KLF7: variants seen among roughly 807,000 people sequenced by gnomAD.
The protein encoded by KLF7 is KLF transcription factor 7.
Under a neutral mutation model 27.3 loss-of-function variants are expected in KLF7, and 2 were observed. The ratio of observed to expected loss-of-function variants is 0.07; its 90% CI spans 0.03 to 0.23. KLF7 has a LOEUF of 0.23. KLF7 is among the 10% of genes least tolerant of loss of function. The pLI is 1.00. For synonymous variants in KLF7, 165 were observed against 162.4 expected, an observed-to-expected ratio of 1.02 and a Z score of -0.12; for missense variants, 221 against 394.1, an observed-to-expected ratio of 0.56 and a Z score of 3.72.
chr2:207,094,951 C>T (rs1482504043), intron 2 of KLF7, among the ~76,000 whole-genome samples: 4 of 151,372 alleles, frequency 2.6e-5, no homozygotes, highest in Non-Finnish European at 4.4e-5. Flanking sequence ...CTTACTCAAA[C>T]GAGGTCCAAG....
upstream of KLF7, chr2:207,165,975 A>G: frequency 1.0e-6 from 1 of 1,000,224 alleles, no homozygotes; most frequent in Non-Finnish European, 1.2e-6. Context: ...TTTGCTCTTT[A>G]TTTTGGGAGG....
intron 1 of KLF7, chr2:207,148,862 C>T (rs191750730): frequency 1.3e-4 from 39 of 307,974 alleles, no homozygotes; most frequent in Non-Finnish European, 1.8e-4. Flanking sequence ...TGCTCTCTGA[C>T]TTTTCCTTTG....
chr2:207,141,007 T>C (rs1207261470), intron 1 of KLF7, among the ~76,000 whole-genome samples: 1 of 152,214 alleles, frequency 6.6e-6, no homozygotes, highest in East Asian at 1.9e-4. Flanking sequence ...ATTAGCTCTA[T>C]GCGTTTCCTC....
chr2:207,136,520 A>G (rs144555226), intron 1 of KLF7, among the ~76,000 whole-genome samples: 73 of 152,284 alleles, frequency 4.8e-4, no homozygotes, highest in African/African-American at 1.7e-3. Context: ...CTGCCTAGAG[A>G]AACTAGGCCA....
At chr2:207,146,946 A>G (rs1307636595) in intron 1 of KLF7, among the ~76,000 whole-genome samples, 2 of 152,306 alleles carry the variant, frequency 1.3e-5, no homozygotes, top group South Asian at 2.1e-4. Context: ...TTCCCATGGT[A>G]TAAGTCAGCC....
chr2:207,160,786 C>T (rs971450723), intron 1 of KLF7, among the ~76,000 whole-genome samples: 1 of 152,214 alleles, frequency 6.6e-6, no homozygotes, highest in Non-Finnish European at 1.5e-5. Context: ...CCCCCACTGG[C>T]ATTTATGTTT....
Position 207,079,028 on chromosome 2 carries a change from G to A in KLF7, c.*2185C>T, listed in dbSNP as rs1403513367. ...TGTGTGTGTGCGCGTGTGTGTTAACGGGTGTTCTTTCTTTTTTTTTCGTTT... is the reference window on the plus strand; with the variant it reads ...TGTGTGTGTGCGCGTGTGTGTTAACAGGTGTTCTTTCTTTTTTTTTCGTTT... On this transcript the variant is annotated 3_prime_UTR_variant, in exon 4 of 4. Coordinates refer to ENST00000309446, the MANE Select transcript of KLF7 (RefSeq NM_003709.4). The A allele has an allele frequency of 6.6e-6, 1 of 151,764 alleles. No homozygotes were observed. Among genetic ancestry groups the A allele is most frequent in the Non-Finnish European group, 1.5e-5 (1 of 67,948 alleles). The allele number at this position is 151,764 out of a possible 1,614,324, so 9.4% of individuals were successfully genotyped here. A position where few individuals can be genotyped will look rare whatever the true frequency, so the allele number is the denominator to read the frequency against.
intron 1 of KLF7, among the ~76,000 whole-genome samples, chr2:207,136,214 T>C (rs1263469605): frequency 6.6e-6 from 1 of 152,200 alleles, no homozygotes; most frequent in Non-Finnish European, 1.5e-5. Flanking sequence ...TCAAAGACTC[T>C]TTCTGGCTCA....
At chr2:207,134,903 A>G (rs2077742813) in intron 1 of KLF7, among the ~76,000 whole-genome samples, 1 of 152,218 alleles carries the variant, frequency 6.6e-6, no homozygotes. Flanking sequence ...ATCAATTGAC[A>G]TGCCAAGTAC....
chr2:207,124,695 C>A (rs2077433919), intron 1 of KLF7, among the ~76,000 whole-genome samples: 1 of 152,168 alleles, frequency 6.6e-6, no homozygotes, highest in Non-Finnish European at 1.5e-5. Context: ...TGATCTCTTG[C>A]CCCTCAATCC....
intron 2 of KLF7, among the ~76,000 whole-genome samples, chr2:207,110,404 C>T (rs1385508690): frequency 2.0e-5 from 3 of 152,206 alleles, no homozygotes; most frequent in African/African-American, 4.8e-5. Flanking sequence ...TTTTTGGTAA[C>T]GAGGAAGCAA....
At chr2:207,089,913 T>C (rs1421356813) in intron 2 of KLF7, among the ~76,000 whole-genome samples, 1 of 152,154 alleles carries the variant, frequency 6.6e-6, no homozygotes, top group African/African-American at 2.4e-5. Flanking sequence ...TTTCCCCAGT[T>C]TTAAAAGCTA....
chr2:207,122,856 C>T (rs929380598), intron 2 of KLF7, among the ~76,000 whole-genome samples: 2 of 151,934 alleles, frequency 1.3e-5, no homozygotes, highest in African/African-American at 4.8e-5. Flanking sequence ...AGGTAGCACA[C>T]TGTTGGAGAC....
chr2:207,104,630 G>A (rs1383936449), intron 2 of KLF7, among the ~76,000 whole-genome samples: 1 of 152,098 alleles, frequency 6.6e-6, no homozygotes, highest in African/African-American at 2.4e-5. Context: ...TTCTAGATGA[G>A]GAAATAGAGG....
intron 1 of KLF7, among the ~76,000 whole-genome samples, chr2:207,137,351 T>A (rs184363984): frequency 6.6e-6 from 1 of 152,288 alleles, no homozygotes; most frequent in East Asian, 1.9e-4. Context: ...GGACTCGTGT[T>A]TTCTGTAAGC....
chr2:207,117,551 G>A (rs961411631), intron 2 of KLF7, among the ~76,000 whole-genome samples: 3 of 152,002 alleles, frequency 2.0e-5, no homozygotes, highest in African/African-American at 7.2e-5. Context: ...CATGTGTCTC[G>A]GCATATTAAA....
intron 1 of KLF7, among the ~76,000 whole-genome samples, chr2:207,159,631 A>C (rs2078485107): frequency 6.6e-6 from 1 of 152,222 alleles, no homozygotes; most frequent in Non-Finnish European, 1.5e-5. Flanking sequence ...TCTATACTTG[A>C]ATATAAACAA....
At chr2:207,114,638 A>T (rs896968616) in intron 2 of KLF7, among the ~76,000 whole-genome samples, 3 of 152,206 alleles carry the variant, frequency 2.0e-5, no homozygotes, top group Non-Finnish European at 2.9e-5. Context: ...GACTCCTAGA[A>T]CCACTCTCAT....
intron 2 of KLF7, among the ~76,000 whole-genome samples, chr2:207,111,524 T>C (rs1016969202): frequency 7.2e-5 from 11 of 152,340 alleles, no homozygotes; most frequent in African/African-American, 2.6e-4. Flanking sequence ...GCCATCAGAT[T>C]CGTCCTTTCC....
Sources: allele counts gnomAD v4.1 joint callset (sites outside exome capture counted in the v4.1 genomes callset), GRCh38; gene constraint gnomAD v4.1.1; transcripts MANE v1.5; gene names NCBI Gene and HGNC (gene_info 2026-07-23, HGNC 2026-07-21).